WDCP: variants seen among roughly 807,000 people sequenced by gnomAD.
WDCP encodes WD repeat and coiled-coil-containing protein.
WDCP carries 19 observed loss-of-function variants against 41.6 expected under a neutral mutation model. That is an observed-to-expected ratio of 0.46 (90% CI 0.32 to 0.67). WDCP has a LOEUF of 0.67. Among genes scored for constraint, WDCP ranks in the 30% least tolerant of loss-of-function variants. The probability of loss-of-function intolerance (pLI) is 0.04; values close to 1 mark genes in which losing one functional copy is unlikely to be tolerated. For synonymous variants in WDCP, 302 were observed against 320.8 expected (o/e 0.94, Z 0.63); for missense variants, 802 against 850.7 (o/e 0.94, Z 0.71).
At chr2:24,036,098 AAAT>A in intron 2 of WDCP, among the ~76,000 whole-genome samples, 1 of 150,286 alleles carries the variant, frequency 6.7e-6, no homozygotes, top group African/African-American at 2.4e-5. Context: ...ATAAATAAAT[AAAT>A]AAATAAAATA....
chr2:24,033,495 G>A (rs1296347101), intron 2 of WDCP, among the ~76,000 whole-genome samples: 1 of 152,162 alleles, frequency 6.6e-6, no homozygotes, highest in Non-Finnish European at 1.5e-5. Context: ...AGTACCAAAA[G>A]TTTGGGAGGC....
In WDCP at chr2:24,037,786, T is replaced by G; in HGVS notation, c.1709A>C (p.Glu570Ala). 1 of 1,614,274 alleles carries G rather than the reference T, an allele frequency of 6.2e-7. No individual in the cohort carries two copies. The highest frequency in any genetic ancestry group is 8.5e-7 in the Non-Finnish European group (1 of 1,180,046). The change falls in exon 2 of 4, where the codon GAA (glutamate) becomes GCA (alanine). Residue 570 changes from glutamate to alanine, a missense_variant. Around this residue, in one of 5 missense-constraint regions of WDCP, gnomAD observed 321 missense variants for 305.1 expected, o/e 1.05. Transcript: ENST00000295148. Reference sequence around the variant, plus strand: ...AAGTTCAGAAAGACACCGTTGCATTTCAACCAGGTTCCTAGATAAAATTTC... The same window carrying G: ...AAGTTCAGAAAGACACCGTTGCATTGCAACCAGGTTCCTAGATAAAATTTC... ...EVEILSRNLV[E>A]MQRCLSELTN... is the part of the protein sequence containing the mutation.
At position 24,039,070 on chromosome 2, in the gene WDCP, A is replaced by C; in HGVS notation, c.425T>G (p.Val142Gly). Residue 142 changes from valine (V) to glycine (G), a missense_variant, in exon 2 of 4, where the codon GTT (valine) becomes GGT (glycine). Coordinates refer to ENST00000295148, the MANE Select transcript of WDCP (RefSeq NM_025203.3). ...CTTTACCTGGGAATCATCAGAGTGA[A>C]CATTAGGGAAAATGGAGACATCCTG... Reference protein sequence around the residue: ...TAQDVSIFPNVHSDDSQVKAD... With the variant: ...TAQDVSIFPNGHSDDSQVKAD... 18 of 1,614,222 alleles carry C rather than the reference A, an allele frequency of 1.1e-5. No individual in the cohort carries two copies. Among genetic ancestry groups the C allele is most frequent in the Non-Finnish European group, 1.5e-5 (18 of 1,180,048 alleles).
intron 2 of WDCP, among the ~76,000 whole-genome samples, chr2:24,035,124 A>G (rs985688621): frequency 2.0e-5 from 3 of 151,858 alleles, no homozygotes; most frequent in Non-Finnish European, 2.9e-5. Context: ...AGGTTGGATT[A>G]TGGAAAATTT....
At chr2:24,034,354 AG>A (rs1461434139) in intron 2 of WDCP, among the ~76,000 whole-genome samples, 1 of 152,194 alleles carries the variant, frequency 6.6e-6, no homozygotes, top group African/African-American at 2.4e-5. Context: ...CAGGAGGCGG[AG>A]GTTGCAGTGA....
At position 24,030,709 on chromosome 2, in the gene WDCP, T is replaced by A; in HGVS notation, c.*224A>T. On this transcript the variant is annotated 3_prime_UTR_variant, in exon 4 of 4. Transcript: ENST00000295148. The stretch of plus-strand genomic sequence containing the variant: ...GCCCTTAGTCAAAACCACACAGTCA[T>A]GAATACATAAACACCACTTTCGGAG... 1 of 528,584 alleles carries A rather than the reference T, an allele frequency of 1.9e-6. No homozygotes were observed. The highest frequency in any genetic ancestry group is 3.4e-6 in the Non-Finnish European group (1 of 295,050). The allele number at this position is 528,584 out of a possible 1,614,324, so 32.7% of individuals were successfully genotyped here.
intron 1 of WDCP, among the ~76,000 whole-genome samples, chr2:24,041,091 C>T (rs1663413391): frequency 6.6e-6 from 1 of 150,694 alleles, no homozygotes; most frequent in Non-Finnish European, 1.5e-5. Context: ...GTAATCCCAG[C>T]ACTTTGGGAG....
chr2:24,039,882 C>CT (rs1428989895), intron 1 of WDCP, among the ~76,000 whole-genome samples: 1 of 152,118 alleles, frequency 6.6e-6, no homozygotes, highest in Non-Finnish European at 1.5e-5. Context: ...ACTTCAACCT[C>CT]TGCCTCCTGG....
At position 24,039,103 on chromosome 2, in the gene WDCP, A is replaced by G; in HGVS notation, c.392T>C (p.Leu131Ser). Residue 131 changes from leucine (L) to serine (S), a missense_variant, in exon 2 of 4, where the codon TTG becomes TCG. Physicochemically the swap from Leu to Ser is moderately radical, Grantham distance 145 (BLOSUM62 -2). Coordinates refer to ENST00000295148, the MANE Select transcript of WDCP (RefSeq NM_025203.3). ...GAAAATGGAGACATCCTGAGCAGTC[A>G]ACACAGTCAGAATAGCACATTTTGG... ...WHPKCAILTVLTAQDVSIFPN... is the reference protein window; with the variant it reads ...WHPKCAILTVSTAQDVSIFPN... 1 of 1,614,220 alleles carries G rather than the reference A, an allele frequency of 6.2e-7. No individual in the cohort carries two copies. Among genetic ancestry groups the G allele is most frequent in the Non-Finnish European group, 8.5e-7 (1 of 1,180,034 alleles).
chr2:24,041,470 A>G (rs557601903), intron 1 of WDCP, among the ~76,000 whole-genome samples: 65 of 152,308 alleles, frequency 4.3e-4, no homozygotes, highest in African/African-American at 1.5e-3. Context: ...AATGTTAAAG[A>G]AAGACACAAA....
chr2:24,039,022 C>T lies in WDCP; in HGVS notation c.473G>A (p.Arg158His), dbSNP rs375594658. 43 of 1,613,948 alleles carry T rather than the reference C, an allele frequency of 2.7e-5. No homozygotes were observed. The highest frequency in any genetic ancestry group is 2.3e-4 in the Admixed American group (14 of 59,998). The change falls in exon 2 of 4, where the codon CGC (arginine) becomes CAC (histidine). Residue 158 changes from arginine (R) to histidine (H), a missense_variant. Arg to His is a conservative substitution (Grantham distance 29). This residue lies in a region of WDCP where 214 missense variants were observed against 252.9 expected (regional missense o/e 0.85). Coordinates refer to ENST00000295148, the MANE Select transcript of WDCP (RefSeq NM_025203.3). ...QVKADINTQG[R>H]IHCACWTQDG... ...CTGGGTCCAACATGCACAGTGAATG[C>T]GGCCCTGGGTGTTGATGTCTGCCTT... is the stretch of plus-strand genomic sequence containing the variant.
At position 24,039,482 on chromosome 2, in the gene WDCP, T is replaced by G. The variant is rs1354905717; in HGVS notation, c.13A>C (p.Lys5Gln). 1 of 1,611,052 alleles carries G rather than the reference T, an allele frequency of 6.2e-7. No individual in the cohort carries two copies. The highest frequency in any genetic ancestry group is 8.5e-7 in the Non-Finnish European group (1 of 1,177,332). Residue 5 changes from lysine to glutamine, a missense_variant, in exon 2 of 4, where the codon AAA becomes CAA. By Grantham distance (53) the Lys-to-Gln change is moderately conservative (BLOSUM62 1). Around this residue, in one of 5 missense-constraint regions of WDCP, gnomAD observed 214 missense variants for 252.9 expected, o/e 0.85. Coordinates refer to ENST00000295148, the MANE Select transcript of WDCP (RefSeq NM_025203.3). ...AGTCCAGTCCTGAGTAGTTTTCCTTTTCCCAACTCCATCCTTTTGATAAAG... is the reference window on the plus strand; with the variant it reads ...AGTCCAGTCCTGAGTAGTTTTCCTTGTCCCAACTCCATCCTTTTGATAAAG... Reference protein sequence around the residue: MELGKGKLLRTGLNA... With the variant: MELGQGKLLRTGLNA...
At chr2:24,041,155 A>G (rs1194129153) in intron 1 of WDCP, among the ~76,000 whole-genome samples, 2 of 151,934 alleles carry the variant, frequency 1.3e-5, no homozygotes, top group African/African-American at 4.8e-5. Flanking sequence ...CCTGGCCAAC[A>G]TGGTGTAACC....
rs112784481 is a variant in WDCP at position 24,030,236 on chromosome 2, G to A, written c.*697C>T. ...GGCTCGACAGTGTGGTAGCAGCATC[G>A]GCACAACCTCAAGTGGAACCCAGAG... On this transcript the variant is annotated 3_prime_UTR_variant, in exon 4 of 4. Coordinates refer to ENST00000295148, the MANE Select transcript of WDCP (RefSeq NM_025203.3). 5.3e-5 allele frequency: 8 copies of A among 152,184 alleles called. No homozygotes were observed. Among genetic ancestry groups the A allele is most frequent in the African/African-American group, 1.4e-4 (6 of 41,514 alleles). The allele number at this position is 152,184 out of a possible 1,614,324, so 9.4% of individuals were successfully genotyped here.
chr2:24,039,790 T>C (rs1385124456), intron 1 of WDCP, among the ~76,000 whole-genome samples: 1 of 152,060 alleles, frequency 6.6e-6, no homozygotes, highest in Non-Finnish European at 1.5e-5. Context: ...ATTGTAGAGT[T>C]ATTATTTTTC....
At chr2:24,039,540 CCAT>C (rs1341837865) in intron 1 of WDCP, 28 bp from the exon 2 acceptor site, 1 of 1,581,902 alleles carries the variant, frequency 6.3e-7, no homozygotes, top group East Asian at 2.2e-5. Flanking sequence ...GAAAGTTACA[CCAT>C]GAGAAATCTA....
At chr2:24,041,110 G>A (rs899185594) in intron 1 of WDCP, among the ~76,000 whole-genome samples, 10 of 151,752 alleles carry the variant, frequency 6.6e-5, no homozygotes, top group Non-Finnish European at 1.3e-4. Flanking sequence ...AGGCTGAGGC[G>A]GGTGGATCAC....
At position 24,039,301 on chromosome 2, in the gene WDCP, C is replaced by T; in HGVS notation, c.194G>A (p.Trp65Ter). 1 of 1,614,198 alleles carries T rather than the reference C, an allele frequency of 6.2e-7. No homozygotes were observed. The highest frequency in any genetic ancestry group is 8.5e-7 in the Non-Finnish European group (1 of 1,180,038). The change falls in exon 2 of 4, where the codon TGG becomes TAG. Residue 65 changes from tryptophan to a stop codon, truncating the protein, a stop_gained. Transcript: ENST00000295148. LOFTEE classifies it high-confidence loss of function. ...GQFECVCGLS[W>*]APPVADDTPV... ...TGTATCATCTGCAACAGGTGGGGCC[C>T]AGGACAACCCACAGACACATTCAAA...
At position 24,030,868 on chromosome 2, in the gene WDCP, T is replaced by C. The variant is rs530359373; in HGVS notation, c.*65A>G. 138 of 1,259,956 alleles carry C rather than the reference T, an allele frequency of 1.1e-4. 2 individuals carry two copies. The East Asian group carries it at 3.2e-3, about 29-fold the overall frequency. The allele number at this position is 1,259,956 out of a possible 1,614,324, so 78.0% of individuals were successfully genotyped here. On this transcript the variant is annotated 3_prime_UTR_variant, in exon 4 of 4. Coordinates refer to ENST00000295148, the MANE Select transcript of WDCP (RefSeq NM_025203.3). ...GGGAGTCTCATTGGCGAGTGTCCAG[T>C]GTCAAGCAGGCCTTGTTTGTAATGG...
Sources: allele counts gnomAD v4.1 joint callset (sites outside exome capture counted in the v4.1 genomes callset), GRCh38; gene constraint gnomAD v4.1.1; regional missense constraint gnomAD v4.1.1; transcripts MANE v1.5; gene names NCBI Gene and HGNC (gene_info 2026-07-23, HGNC 2026-07-21).